RFX2: variants seen among roughly 807,000 people sequenced by gnomAD.
RFX2 encodes the protein DNA-binding protein RFX2.
RFX2 carries 20 observed loss-of-function variants against 87.8 expected under a neutral mutation model. The ratio of observed to expected loss-of-function variants is 0.23; its 90% CI spans 0.16 to 0.33. RFX2 has a LOEUF of 0.33. RFX2 is among the 10% of genes least tolerant of loss of function. The probability of loss-of-function intolerance (pLI) is 1.00; values close to 1 mark genes in which losing one functional copy is unlikely to be tolerated. For missense variants in RFX2, 767 were observed against 1,012.3 expected, an observed-to-expected ratio of 0.76 and a Z score of 3.29; for synonymous variants, 397 against 431.3, an observed-to-expected ratio of 0.92 and a Z score of 0.98.
At position 6,047,815 on chromosome 19, in the gene RFX2, T is replaced by C. The variant is rs949762751; in HGVS notation, c.-8-311A>G. ...GGCTCTGTGCCCAAGTCTGAGCAGG[T>C]TGAACTATTTTGAAGGGCTCAATTG... On this transcript the variant is annotated intron_variant, in intron 1 of 17. Transcript: ENST00000303657. The surrounding 1 kb of genome is among the most constrained non-coding windows in gnomAD (Gnocchi z 4.2). Among the ~76,000 whole-genome samples the C allele has an allele frequency of 6.6e-6, 1 of 152,174 alleles. No individual in the cohort carries two copies. The highest frequency in any genetic ancestry group is 2.4e-5 in the African/African-American group (1 of 41,442).
chr19:6,001,048 G>A lies in RFX2; in HGVS notation c.1859+767C>T, dbSNP rs2086483923. Reference sequence around the variant, plus strand: ...AGCCTTGGCTCCCCTGCCCTGGTCTGCACAGGTTAGGTCTGTAGCTTGGAA... The same window carrying A: ...AGCCTTGGCTCCCCTGCCCTGGTCTACACAGGTTAGGTCTGTAGCTTGGAA... On this transcript the variant is annotated intron_variant, in intron 15 of 17. Coordinates refer to ENST00000303657, the MANE Select transcript of RFX2 (RefSeq NM_000635.4). The surrounding 1 kb of genome is among the most constrained non-coding windows in gnomAD (Gnocchi z 5.6). 1.3e-5 allele frequency among the ~76,000 whole-genome samples: 2 copies of A among 152,226 alleles called. No individual in the cohort carries two copies. Among genetic ancestry groups the A allele is most frequent in the Non-Finnish European group, 2.9e-5 (2 of 68,042 alleles).
intron 1 of RFX2, among the ~76,000 whole-genome samples, chr19:6,080,687 GC>G (rs1167781618): frequency 2.0e-5 from 3 of 152,112 alleles, no homozygotes; most frequent in Admixed American, 2.0e-4. Flanking sequence ...GAATAGCTGT[GC>G]AAAGGTCTTG....
In RFX2 at chr19:6,039,472, A is replaced by T. The variant is rs78494775; in HGVS notation, c.522+508T>A. ...AATTTAAGAAGGAAAATAAATGAAA[A>T]GTAAACACGGGTAATCGAGTTTTAA... On this transcript the variant is annotated intron_variant, in intron 5 of 17. Coordinates refer to ENST00000303657, the MANE Select transcript of RFX2 (RefSeq NM_000635.4). This position sits in a 1 kb window ranked among gnomAD's most constrained non-coding sequence, Gnocchi z 5.2. 0.023 allele frequency among the ~76,000 whole-genome samples: 3,549 copies of T among 152,354 alleles called. 144 individuals carry two copies. Among genetic ancestry groups the T allele is most frequent in the African/African-American group, 0.081 (3,382 of 41,560 alleles).
rs528459917 is a variant in RFX2, at chr19:5,998,507, A to T, written c.1860-1294T>A. 6.6e-6 allele frequency among the ~76,000 whole-genome samples: 1 copy of T among 152,338 alleles called. No individual in the cohort carries two copies. Among genetic ancestry groups the T allele is most frequent in the African/African-American group, 2.4e-5 (1 of 41,572 alleles). On this transcript the variant is annotated intron_variant, in intron 15 of 17. Coordinates refer to ENST00000303657, the MANE Select transcript of RFX2 (RefSeq NM_000635.4). This position sits in a 1 kb window ranked among gnomAD's most constrained non-coding sequence, Gnocchi z 4.2. ...GCGATAAAAAGAAGACACAGGCTTG[A>T]GAAAGGCAAAGACAGCCGCACTATG... is the stretch of plus-strand genomic sequence containing the variant.
In RFX2 at chr19:6,002,862, G is replaced by A. The variant is rs778967097; in HGVS notation, c.1509C>T (p.Val503=). 8.1e-6 allele frequency: 13 copies of A among 1,607,182 alleles called. No homozygotes were observed. Among genetic ancestry groups the A allele is most frequent in the African/African-American group, 2.7e-5 (2 of 74,906 alleles). ...GCAGCGTCTGGGCGAAGGCACTGAC[G>A]ACGCCCACCTGTAAGCCAGGGCTCG... is the stretch of plus-strand genomic sequence containing the variant. ...PQQVIQTKVG[V]VSAFAQTLRR... is the part of the protein sequence containing the mutation. The change falls in exon 14 of 18, where the codon GTC becomes GTT. Residue 503 remains valine (V), a synonymous_variant. Coordinates refer to ENST00000303657, the MANE Select transcript of RFX2 (RefSeq NM_000635.4). This position sits in a 1 kb window ranked among gnomAD's most constrained non-coding sequence, Gnocchi z 6.7.
rs1425688948 is a variant in RFX2 at position 6,033,372 on chromosome 19, A to C, written c.522+6608T>G. Among the ~76,000 whole-genome samples the C allele has an allele frequency of 2.0e-5, 3 of 152,214 alleles. No homozygotes were observed. In the East Asian group the frequency reaches 5.8e-4, roughly 29 times the overall value. On this transcript the variant is annotated intron_variant, in intron 5 of 17. Coordinates refer to ENST00000303657, the MANE Select transcript of RFX2 (RefSeq NM_000635.4). Reference sequence around the variant, plus strand: ...CCATCAGTAGCTAATCGATTATTAGATCAATGATCAATTTGTCCCTGGTTG... The same window carrying C: ...CCATCAGTAGCTAATCGATTATTAGCTCAATGATCAATTTGTCCCTGGTTG...
chr19:6,010,064 T>C lies in RFX2; in HGVS notation c.1015+72A>G. ...GCAGACGCTTAGACACCACTGGTTC[T>C]GCTGGTGTTGAAACCCAGGAGTGTG... On this transcript the variant is annotated intron_variant, in intron 9 of 17. Transcript: ENST00000303657. The surrounding 1 kb of genome is among the most constrained non-coding windows in gnomAD (Gnocchi z 5.0). 1 of 886,992 alleles carries C rather than the reference T, an allele frequency of 1.1e-6. No homozygotes were observed. The allele number at this position is 886,992 out of a possible 1,614,324, so 54.9% of individuals were successfully genotyped here.
At chr19:6,034,021 A>G (rs1440076018) in intron 5 of RFX2, among the ~76,000 whole-genome samples, 2 of 152,128 alleles carry the variant, frequency 1.3e-5, no homozygotes, top group African/African-American at 4.8e-5. Flanking sequence ...TCTGCTATGC[A>G]GGGGCTGAGC....
Position 6,002,956 on chromosome 19 carries a change from A to C in RFX2, c.1501-86T>G. ...CTTGCAGGGGTGTGTGGGCTCAGGG[A>C]CAACACAGGGAGGAGGGAGCAGGAA... On this transcript the variant is annotated intron_variant, in intron 13 of 17. Coordinates refer to ENST00000303657, the MANE Select transcript of RFX2 (RefSeq NM_000635.4). This position sits in a 1 kb window ranked among gnomAD's most constrained non-coding sequence, Gnocchi z 6.7. 1.4e-6 allele frequency: 2 copies of C among 1,450,002 alleles called. No homozygotes were observed. Among genetic ancestry groups the C allele is most frequent in the Non-Finnish European group, 1.9e-6 (2 of 1,074,738 alleles). The allele number at this position is 1,450,002 out of a possible 1,614,324, so 89.8% of individuals were successfully genotyped here. A position where few individuals can be genotyped will look rare whatever the true frequency, so the allele number is the denominator to read the frequency against.
At chr19:6,041,999 G>A (rs759859578) in intron 4 of RFX2, 45 bp downstream of exon 4, 1 of 1,540,958 alleles carries the variant, frequency 6.5e-7, no homozygotes, top group Admixed American at 1.7e-5. Flanking sequence ...AAAGGCTGGA[G>A]TCAGGGAGAG....
intron 1 of RFX2, among the ~76,000 whole-genome samples, chr19:6,108,427 T>C (rs1416351276): frequency 6.6e-6 from 1 of 152,200 alleles, no homozygotes; most frequent in African/African-American, 2.4e-5. Context: ...CAGGGCACGA[T>C]GTAAAAAGAT....
intron 1 of RFX2, among the ~76,000 whole-genome samples, chr19:6,106,230 C>T (rs1020540347): frequency 6.7e-6 from 1 of 149,960 alleles, no homozygotes; most frequent in African/African-American, 2.5e-5. Context: ...CATCGGCCTG[C>T]CCATCCATCC....
chr19:5,997,525 C>A lies in RFX2; in HGVS notation c.1860-312G>T, dbSNP rs368573642. On this transcript the variant is annotated intron_variant, in intron 15 of 17. Coordinates refer to ENST00000303657, the MANE Select transcript of RFX2 (RefSeq NM_000635.4). The surrounding 1 kb of genome is among the most constrained non-coding windows in gnomAD (Gnocchi z 4.2). Reference sequence around the variant, plus strand: ...CAACTGTGGCTGGTGCTAGCGCAGGCGCTAGATGGGATCTTAGCTGGTGAG... The same window carrying A: ...CAACTGTGGCTGGTGCTAGCGCAGGAGCTAGATGGGATCTTAGCTGGTGAG... 6.6e-6 allele frequency among the ~76,000 whole-genome samples: 1 copy of A among 152,204 alleles called. No individual in the cohort carries two copies. The highest frequency in any genetic ancestry group is 2.4e-5 in the African/African-American group (1 of 41,454).
chr19:6,010,751 C>T lies in RFX2; in HGVS notation c.900-500G>A, dbSNP rs2086649603. On this transcript the variant is annotated intron_variant, in intron 8 of 17. Coordinates refer to ENST00000303657, the MANE Select transcript of RFX2 (RefSeq NM_000635.4). The surrounding 1 kb of genome is among the most constrained non-coding windows in gnomAD (Gnocchi z 5.0). ...ATAATATTCCATCATATGGATGAAC[C>T]ACAGTTTGTTAATGGACACTTGAGA... Among the ~76,000 whole-genome samples, 1 of 152,150 alleles carries T rather than the reference C, an allele frequency of 6.6e-6. No individual in the cohort carries two copies. Among genetic ancestry groups the T allele is most frequent in the South Asian group, 2.1e-4 (1 of 4,818 alleles).
chr19:6,088,112 G>A (rs2144875310), intron 1 of RFX2, among the ~76,000 whole-genome samples: 1 of 151,758 alleles, frequency 6.6e-6, no homozygotes, highest in East Asian at 1.9e-4. Flanking sequence ...TGAACACAGA[G>A]CCCTTCCCAG....
chr19:5,996,794 G>A (rs369498863), intron 16 of RFX2, among the ~76,000 whole-genome samples: 7 of 152,378 alleles, frequency 4.6e-5, no homozygotes, highest in East Asian at 3.9e-4. Flanking sequence ...CAGAGCCAGC[G>A]GTGCGATGGG....
chr19:6,016,213 G>A lies in RFX2; in HGVS notation c.656C>T (p.Ser219Phe), dbSNP rs781306908. ...TAEGVSLPRS[S>F]LYNHYLRHCQ... Reference sequence around the variant, plus strand: ...GTGCCGAAGGTAGTGGTTGTAAAGAGAACTTCTGGGGAGACTCACACCTTC... The same window carrying A: ...GTGCCGAAGGTAGTGGTTGTAAAGAAAACTTCTGGGGAGACTCACACCTTC... The change falls in exon 7 of 18, where the codon TCT becomes TTT. Residue 219 changes from serine to phenylalanine, a missense_variant. Around this residue, in one of 2 missense-constraint regions of RFX2, gnomAD observed 621 missense variants for 873.0 expected, o/e 0.71. Coordinates refer to ENST00000303657, the MANE Select transcript of RFX2 (RefSeq NM_000635.4). The surrounding 1 kb of genome is among the most constrained non-coding windows in gnomAD (Gnocchi z 5.4). 4 of 1,614,016 alleles carry A rather than the reference G, an allele frequency of 2.5e-6. No individual in the cohort carries two copies. The highest frequency in any genetic ancestry group is 3.4e-6 in the Non-Finnish European group (4 of 1,179,894).
In RFX2 at chr19:6,110,035, G is replaced by T. The variant is rs371262902; in HGVS notation, c.-9+358C>A. On this transcript the variant is annotated intron_variant, in intron 1 of 17. Coordinates refer to ENST00000303657, the MANE Select transcript of RFX2 (RefSeq NM_000635.4). The surrounding 1 kb of genome is among the most constrained non-coding windows in gnomAD (Gnocchi z 4.3). Reference sequence around the variant, plus strand: ...GGTCCCCAAGCGCCCCCAATTCAGGGAGTTTGAGGAGTTTGAGAGACGTTC... The same window carrying T: ...GGTCCCCAAGCGCCCCCAATTCAGGTAGTTTGAGGAGTTTGAGAGACGTTC... Among the ~76,000 whole-genome samples the T allele has an allele frequency of 2.6e-5, 4 of 151,272 alleles. No individual in the cohort carries two copies. The highest frequency in any genetic ancestry group is 7.3e-5 in the African/African-American group (3 of 41,282).
intron 1 of RFX2, among the ~76,000 whole-genome samples, chr19:6,090,982 C>T (rs371277169): frequency 6.6e-6 from 1 of 152,136 alleles, no homozygotes; most frequent in African/African-American, 2.4e-5. Flanking sequence ...ATTCTATTTA[C>T]AGGAAATATT....
Sources: gnomAD v4.1 joint callset for allele counts (sites outside exome capture counted in the v4.1 genomes callset) on GRCh38, gnomAD v4.1.1 for gene constraint, gnomAD v4.1.1 regional missense constraint, Gnocchi (gnomAD v3.1) non-coding constraint, MANE v1.5 for transcripts, NCBI Gene and HGNC (gene_info 2026-07-23, HGNC 2026-07-21) for gene names.